The following SAE1 variants were observed in gnomAD, a reference collection of about 807,000 sequenced individuals.
The protein encoded by SAE1 is SUMO-activating enzyme subunit 1.
In SAE1, 11 loss-of-function variants were observed where a neutral mutation model predicts 40.6. The ratio of observed to expected loss-of-function variants is 0.27; its 90% CI spans 0.17 to 0.45. The LOEUF is 0.45. SAE1 is among the 20% of genes least tolerant of loss of function. The pLI, the probability that SAE1 is intolerant of heterozygous loss-of-function variation, is 1.00. For synonymous variants in SAE1, 155 were observed against 154.3 expected, an observed-to-expected ratio of 1.00 and a Z score of -0.03; for missense variants, 373 against 427.3, an observed-to-expected ratio of 0.87 and a Z score of 1.12.
chr19:47,170,039 G>T lies in SAE1; in HGVS notation c.733+116G>T, dbSNP rs534441708. On this transcript the variant is annotated intron_variant, in intron 6 of 8. Coordinates refer to ENST00000270225, the MANE Select transcript of SAE1 (RefSeq NM_005500.3). ...TTGCCTTGGGTGGCATTCTTCATTG[G>T]CTAGTTCTCAGTGATCACTTGAGAA... The T allele has an allele frequency of 2.3e-4, 170 of 744,414 alleles. 1 individual carries two copies. The highest frequency in any genetic ancestry group is 3.6e-4 in the Non-Finnish European group (152 of 423,176). The allele number at this position is 744,414 out of a possible 1,614,324, so 46.1% of individuals were successfully genotyped here.
intron 6 of SAE1, among the ~76,000 whole-genome samples, chr19:47,196,362 T>C (rs1174963114): frequency 2.0e-5 from 2 of 101,914 alleles, no homozygotes; most frequent in Non-Finnish European, 4.1e-5. Flanking sequence ...TTTTTTTTTT[T>C]TTTTTAATTT....
intron 6 of SAE1, among the ~76,000 whole-genome samples, chr19:47,194,679 G>T (rs569381888): frequency 6.6e-6 from 1 of 151,886 alleles, no homozygotes; most frequent in Non-Finnish European, 1.5e-5. Context: ...ATGCCTGCCC[G>T]CCCGCAGGCA....
intron 6 of SAE1, among the ~76,000 whole-genome samples, chr19:47,171,419 G>C (rs747496742): frequency 6.6e-6 from 1 of 151,836 alleles, no homozygotes; most frequent in Non-Finnish European, 1.5e-5. Context: ...TCAGCCTCCC[G>C]AGTAGCTGAA....
At chr19:47,178,884 T>G (rs905885604) in intron 6 of SAE1, among the ~76,000 whole-genome samples, 1 of 152,140 alleles carries the variant, frequency 6.6e-6, no homozygotes, top group Non-Finnish European at 1.5e-5. Context: ...GTATTTTGAC[T>G]GCATACCCTC....
At chr19:47,180,508 G>A (rs937693000) in intron 6 of SAE1, among the ~76,000 whole-genome samples, 5 of 152,158 alleles carry the variant, frequency 3.3e-5, no homozygotes, top group East Asian at 3.8e-4. Flanking sequence ...AACAGTTTGC[G>A]GTGAAACAGT....
chr19:47,182,496 T>TGTGTGTGTGTGTGCGCGCGCGC (rs143321323), intron 6 of SAE1, among the ~76,000 whole-genome samples: 3 of 145,938 alleles, frequency 2.1e-5, no homozygotes, highest in South Asian at 2.2e-4. Context: ...TGTGTGTGTG[T>TGTGTGTGTGTGTGCGCGCGCGC]GCGCGCACGC....
chr19:47,155,164 A>C lies in SAE1; in HGVS notation c.578A>C (p.Asp193Ala). The change falls in exon 5 of 9, where the codon GAC (aspartate) becomes GCC (alanine). Residue 193 changes from aspartate (D) to alanine (A), a missense_variant. By Grantham distance (126) the Asp-to-Ala change is moderately radical. Around this residue, in one of 3 missense-constraint regions of SAE1, gnomAD observed 351 missense variants for 390.6 expected, o/e 0.90. Coordinates refer to ENST00000270225, the MANE Select transcript of SAE1 (RefSeq NM_005500.3). ...KVSQGVEDGPDTKRAKLDSSE... is the reference protein window; with the variant it reads ...KVSQGVEDGPATKRAKLDSSE... ...AGCCAAGGAGTAGAAGATGGGCCCG[A>C]CACCAAGAGAGCAAAACTTGATTCT... 6.2e-7 allele frequency: 1 copy of C among 1,614,126 alleles called. No individual in the cohort carries two copies. Among genetic ancestry groups the C allele is most frequent in the Non-Finnish European group, 8.5e-7 (1 of 1,179,976 alleles).
rs568932525 is a variant in SAE1, at chr19:47,156,269, T to TA, written c.627+1069dup. ...CTGGGCCACCTAGCAAGATCCTGTCTAAAAAAAAAAAAAGCAAAACAAAAA... is the reference window on the plus strand; with the variant it reads ...CTGGGCCACCTAGCAAGATCCTGTCTAAAAAAAAAAAAAAGCAAAACAAAAA... On this transcript the variant is annotated intron_variant, in intron 5 of 8. Coordinates refer to ENST00000270225, the MANE Select transcript of SAE1 (RefSeq NM_005500.3). Among the ~76,000 whole-genome samples the TA allele has an allele frequency of 1.8e-3, 238 of 132,790 alleles. 1 individual carries two copies. Among genetic ancestry groups the TA allele is most frequent in the African/African-American group, 3.8e-3 (136 of 36,076 alleles). The allele number at this position is 132,790 out of a possible 152,430, so 87.1% of individuals were successfully genotyped here. A position where few individuals can be genotyped will look rare whatever the true frequency, so the allele number is the denominator to read the frequency against.
chr19:47,182,496 T>TGTGTGTGTGTGTGTGCGC (rs143321323), intron 6 of SAE1, among the ~76,000 whole-genome samples: 42 of 146,044 alleles, frequency 2.9e-4, no homozygotes, highest in African/African-American at 1.1e-3. Context: ...TGTGTGTGTG[T>TGTGTGTGTGTGTGTGCGC]GCGCGCACGC....
intron 5 of SAE1, among the ~76,000 whole-genome samples, chr19:47,166,487 T>A (rs2058393088): frequency 1.7e-4 from 26 of 152,192 alleles, no homozygotes; most frequent in Admixed American, 1.6e-3. Flanking sequence ...ATTCATACTC[T>A]TGCCCCAGGC....
At chr19:47,169,726 A>G (rs375506182) in intron 5 of SAE1, 92 bp from the exon 6 acceptor site, 9 of 840,838 alleles carry the variant, frequency 1.1e-5, no homozygotes, top group African/African-American at 3.4e-5. Flanking sequence ...AACTTTAAAT[A>G]ATGAGATTTT....
intron 6 of SAE1, among the ~76,000 whole-genome samples, chr19:47,177,410 G>C (rs2058476449): frequency 6.6e-6 from 1 of 152,170 alleles, no homozygotes; most frequent in South Asian, 2.1e-4. Flanking sequence ...CCAGGCTGGA[G>C]TGTGGTGGCA....
At chr19:47,164,414 G>A (rs547993373) in intron 5 of SAE1, among the ~76,000 whole-genome samples, 106 of 151,876 alleles carry the variant, frequency 7.0e-4, no homozygotes, top group Admixed American at 9.9e-4. Context: ...TGATCCGCCC[G>A]CCTTGGCCTC....
At chr19:47,152,125 G>A (rs909659014) in intron 3 of SAE1, among the ~76,000 whole-genome samples, 1 of 152,226 alleles carries the variant, frequency 6.6e-6, no homozygotes, top group African/African-American at 2.4e-5. Flanking sequence ...ATGTCCTTTT[G>A]TTCAGGAGAA....
At position 47,194,747 on chromosome 19, in the gene SAE1, CT is replaced by C. The variant is rs1232339267; in HGVS notation, c.734-2466del. 5.6e-3 allele frequency among the ~76,000 whole-genome samples: 694 copies of C among 124,898 alleles called. 3 individuals carry two copies. Among genetic ancestry groups the C allele is most frequent in the Middle Eastern group, 0.025 (6 of 240 alleles). 81.9% of individuals were successfully genotyped at this position (124,898 alleles called of 152,430 possible). A position where few individuals can be genotyped will look rare whatever the true frequency, so the allele number is the denominator to read the frequency against. On this transcript the variant is annotated intron_variant, in intron 6 of 8. Coordinates refer to ENST00000270225, the MANE Select transcript of SAE1 (RefSeq NM_005500.3). The stretch of plus-strand genomic sequence containing the variant: ...AGAAGGTGTTGGTATGTTAATCAGT[CT>C]TTTTTTTTTTTTTTTTTTTGAGATG...
chr19:47,134,224 T>C (rs1478257969), intron 1 of SAE1, among the ~76,000 whole-genome samples: 1 of 151,866 alleles, frequency 6.6e-6, no homozygotes, highest in Admixed American at 6.6e-5. Context: ...GAGGTAAAAT[T>C]TGGGTGATGG....
intron 1 of SAE1, among the ~76,000 whole-genome samples, chr19:47,133,182 T>A (rs2058157794): frequency 6.6e-6 from 1 of 152,214 alleles, no homozygotes; most frequent in Admixed American, 6.6e-5. Context: ...TGGGAAAACC[T>A]GTTGGAGTGT....
In SAE1 at chr19:47,142,975, C is replaced by A. The variant is rs74542105; in HGVS notation, c.99-519C>A. Among the ~76,000 whole-genome samples the A allele has an allele frequency of 1.1e-4, 16 of 152,272 alleles. No individual in the cohort carries two copies. In the East Asian group the frequency reaches 3.1e-3, roughly 29 times the overall value. ...TCTGATTCACCGCCTTATTTCCACA[C>A]CATAGAAGGATGCCTGGCATAGTTG... On this transcript the variant is annotated intron_variant, in intron 1 of 8. Coordinates refer to ENST00000270225, the MANE Select transcript of SAE1 (RefSeq NM_005500.3).
chr19:47,174,989 G>A (rs919741398), intron 6 of SAE1, among the ~76,000 whole-genome samples: 11 of 152,046 alleles, frequency 7.2e-5, no homozygotes, highest in Admixed American at 6.6e-5. Flanking sequence ...GATTACAGGC[G>A]TGAGGCACCG....
Sources: gnomAD v4.1 joint callset for allele counts (sites outside exome capture counted in the v4.1 genomes callset) on GRCh38, gnomAD v4.1.1 for gene constraint, gnomAD v4.1.1 regional missense constraint, MANE v1.5 for transcripts, NCBI Gene and HGNC (gene_info 2026-07-23, HGNC 2026-07-21) for gene names.